The following KIAA1210 variants were observed in gnomAD, a reference collection of about 807,000 sequenced individuals.
KIAA1210 encodes KIAA1210.
KIAA1210 carries 48 observed loss-of-function variants against 78.9 expected under a neutral mutation model. That is an observed-to-expected ratio of 0.61 (90% CI 0.48 to 0.77). The LOEUF (loss-of-function observed/expected upper bound fraction) is 0.77. Ranked by LOEUF, KIAA1210 falls within the 30% of genes least tolerant of loss-of-function variation. The probability of loss-of-function intolerance (pLI) is 0.00; values close to 1 mark genes in which losing one functional copy is unlikely to be tolerated. For synonymous variants in KIAA1210, 406 were observed against 404.5 expected, an observed-to-expected ratio of 1.00 and a Z score of -0.04; for missense variants, 1,108 against 1,100.0, an observed-to-expected ratio of 1.01 and a Z score of -0.10.
intron 6 of KIAA1210, among the ~76,000 whole-genome samples, chrX:119,100,387 G>A (rs1927701089): frequency 3.0e-5 from 3 of 98,583 alleles, no homozygotes; most frequent in African/African-American, 1.1e-4. Flanking sequence ...GATTTTATGA[G>A]TTGCCCAAGA....
chrX:119,121,774 ATTT>A (rs779380576), intron 2 of KIAA1210, among the ~76,000 whole-genome samples: 1 of 105,350 alleles, frequency 9.5e-6, no homozygotes, highest in East Asian at 2.9e-4. Flanking sequence ...TTTATTTATT[ATTT>A]TTTTTTTTTG....
chrX:119,127,244 T>C (rs1277066581), intron 1 of KIAA1210, among the ~76,000 whole-genome samples: 1 of 109,073 alleles, frequency 9.2e-6, no homozygotes, highest in Non-Finnish European at 1.9e-5. Flanking sequence ...TAGAGAAGCC[T>C]GTGGGAAAAA....
intron 1 of KIAA1210, among the ~76,000 whole-genome samples, chrX:119,148,645 T>C (rs943885482): frequency 8.9e-6 from 1 of 111,772 alleles, no homozygotes; most frequent in African/African-American, 3.3e-5. Context: ...ACTAGTTATC[T>C]TGAACAAGAT....
At chrX:119,083,180 C>G in intron 10 of KIAA1210, 60 bp from the exon 11 acceptor site, 16 of 910,913 alleles carry the variant, frequency 1.8e-5, no homozygotes, top group Non-Finnish European at 2.5e-5. Context: ...TGGCAGATTG[C>G]TTATTCAGAG....
chrX:119,089,779 A>G, intron 8 of KIAA1210, 33 bp from the exon 9 acceptor site: 2 of 1,124,446 alleles, frequency 1.8e-6, no homozygotes, highest in Non-Finnish European at 2.4e-6. Context: ...AAGGAGAAAT[A>G]TGTGTGACTT....
chrX:119,089,317 G>A lies in KIAA1210; in HGVS notation c.1385C>T (p.Pro462Leu). Residue 462 changes from proline (P) to leucine (L), a missense_variant, in exon 9 of 12, where the codon CCT becomes CTT. Around this residue, in one of 5 missense-constraint regions of KIAA1210, gnomAD observed 672 missense variants for 607.1 expected, o/e 1.11. Coordinates refer to ENST00000691062, the MANE Select transcript of KIAA1210 (RefSeq NM_001394962.1). ...SRKASAAQPI[P>L]ENMDNSMVSD... ...AACCATGGAATTGTCCATGTTTTCA[G>A]GTATGGGCTGTGCTGCTGATGCTTT... The A allele has an allele frequency of 8.3e-7, 1 of 1,211,438 alleles. No homozygotes were observed. Among genetic ancestry groups the A allele is most frequent in the Non-Finnish European group, 1.1e-6 (1 of 895,246 alleles).
rs748661545 is a variant in KIAA1210 at position 119,081,295 on chromosome X, T to C, written c.*34A>G. ...AAAAAAAAAAAAAAAAAAAACTAAATAAAATAAATGCTGATGCTCCACACA... is the reference window on the plus strand; with the variant it reads ...AAAAAAAAAAAAAAAAAAAACTAAACAAAATAAATGCTGATGCTCCACACA... On this transcript the variant is annotated 3_prime_UTR_variant, in exon 12 of 12. Transcript: ENST00000691062. 3.2e-5 allele frequency: 20 copies of C among 620,138 alleles called. No homozygotes were observed. In the Admixed American group the frequency reaches 8.2e-4, roughly 25 times the overall value. 51.1% of individuals were successfully genotyped at this position (620,138 alleles called of 1,213,427 possible).
intron 3 of KIAA1210, 98 bp from the exon 4 acceptor site, chrX:119,109,300 A>G: frequency 1.2e-6 from 1 of 858,941 alleles, no homozygotes; most frequent in Non-Finnish European, 1.6e-6. Context: ...GATACCTCAG[A>G]AGGAGAGCAG....
intron 2 of KIAA1210, among the ~76,000 whole-genome samples, chrX:119,142,028 G>C (rs961902979): frequency 3.4e-4 from 38 of 112,159 alleles, no homozygotes; most frequent in Admixed American, 9.4e-5. Context: ...TTGTGAAAGG[G>C]TTAGGCTATG....
At chrX:119,137,278 G>T (rs1569324081) in intron 2 of KIAA1210, among the ~76,000 whole-genome samples, 1 of 112,334 alleles carries the variant, frequency 8.9e-6, no homozygotes, top group Non-Finnish European at 1.9e-5. Flanking sequence ...CACATGACAA[G>T]TTCGAATTCT....
At chrX:119,108,558 T>C (rs1927965401) in intron 4 of KIAA1210, 87 bp from the exon 5 acceptor site, 1 of 1,075,548 alleles carries the variant, frequency 9.3e-7, no homozygotes, top group East Asian at 3.3e-5. Context: ...ATTATTCTTA[T>C]GGTGTGTTAA....
At chrX:119,097,150 G>A (rs1927581389) in intron 6 of KIAA1210, among the ~76,000 whole-genome samples, 1 of 111,671 alleles carries the variant, frequency 9.0e-6, no homozygotes, top group Non-Finnish European at 1.9e-5. Context: ...CAGGTTGGAA[G>A]AGGGCCTGTC....
At chrX:119,107,696 C>T (rs190432736) in intron 5 of KIAA1210, among the ~76,000 whole-genome samples, 1 of 111,682 alleles carries the variant, frequency 9.0e-6, no homozygotes, top group East Asian at 2.8e-4. Flanking sequence ...AGAAATAAGC[C>T]CCACTTACCT....
intron 7 of KIAA1210, chrX:119,093,986 T>G (rs776391821): frequency 8.8e-7 from 1 of 1,139,692 alleles, no homozygotes; most frequent in Non-Finnish European, 1.2e-6. Context: ...TCATTTTACC[T>G]ACTGGAAGTG....
chrX:119,109,292 T>C, intron 3 of KIAA1210, 90 bp from the exon 4 acceptor site: 1 of 915,353 alleles, frequency 1.1e-6, no homozygotes, highest in Non-Finnish European at 1.5e-6. Flanking sequence ...CTACCATAGA[T>C]ACCTCAGAAG....
At chrX:119,120,872 T>G (rs1015726818) in intron 2 of KIAA1210, among the ~76,000 whole-genome samples, 1 of 111,481 alleles carries the variant, frequency 9.0e-6, no homozygotes, top group African/African-American at 3.3e-5. Flanking sequence ...CCAAATATGG[T>G]AGGTTGGCTG....
chrX:119,086,623 G>C lies in KIAA1210; in HGVS notation c.4079C>G (p.Ser1360Cys), dbSNP rs1374339056. 1.7e-6 allele frequency: 2 copies of C among 1,209,521 alleles called. No individual in the cohort carries two copies. The highest frequency in any genetic ancestry group is 2.2e-6 in the Non-Finnish European group (2 of 895,110). ...LDAAGNLTKI[S>C]YVADKQQSRP... is the part of the protein sequence containing the mutation. Reference sequence around the variant, plus strand: ...GCTCTGTTGCTTATCTGCAACGTAAGATATTTTGGTGAGGTTCCCTGCAGC... The same window carrying C: ...GCTCTGTTGCTTATCTGCAACGTAACATATTTTGGTGAGGTTCCCTGCAGC... The change falls in exon 9 of 12, where the codon TCT becomes TGT. Residue 1360 changes from serine (S) to cysteine (C), a missense_variant. Transcript: ENST00000691062.
At chrX:119,124,929 C>T (rs1157526919) in intron 1 of KIAA1210, among the ~76,000 whole-genome samples, 4 of 108,530 alleles carry the variant, frequency 3.7e-5, no homozygotes, top group Non-Finnish European at 7.6e-5. Flanking sequence ...AGAAATAAGT[C>T]AATAAAAGAA....
In KIAA1210 at chrX:119,105,063, A is replaced by G. The variant is rs369956899; in HGVS notation, c.577T>C (p.Ser193Pro). The change falls in exon 6 of 12, where the codon TCT becomes CCT. Residue 193 changes from serine (S) to proline (P), a missense_variant. Physicochemically the swap from Ser to Pro is moderately conservative, Grantham distance 74. Around this residue, in one of 5 missense-constraint regions of KIAA1210, gnomAD observed 672 missense variants for 607.1 expected, o/e 1.11. Coordinates refer to ENST00000691062, the MANE Select transcript of KIAA1210 (RefSeq NM_001394962.1). ...TTCTTAGGTGACTCATCATCGAGAG[A>G]GATTTCTACCAAGTTCTTAGAAATT... ...EIISKNLVEI[S>P]LDDESPKNPQ... is the part of the protein sequence containing the mutation. 1.7e-4 allele frequency: 205 copies of G among 1,207,606 alleles called. No individual in the cohort carries two copies. The highest frequency in any genetic ancestry group is 2.1e-4 in the Non-Finnish European group (189 of 893,842).
Sources: allele counts gnomAD v4.1 joint callset (sites outside exome capture counted in the v4.1 genomes callset), GRCh38; gene constraint gnomAD v4.1.1; regional missense constraint gnomAD v4.1.1; transcripts MANE v1.5; gene names NCBI Gene and HGNC (gene_info 2026-07-23, HGNC 2026-07-21).